The following RAB38 variants were observed in gnomAD, a reference collection of about 807,000 sequenced individuals.
RAB38 encodes the protein ras-related protein Rab-38.
A neutral mutation model predicts 18.4 loss-of-function variants in RAB38; 15 were observed. The ratio of observed to expected loss-of-function variants is 0.82; its 90% CI spans 0.55 to 1.26. The LOEUF (loss-of-function observed/expected upper bound fraction) is 1.26. Ranked by LOEUF, RAB38 falls within the 50% of genes most tolerant of loss-of-function variation. The probability of loss-of-function intolerance (pLI) is 0.00; values close to 1 mark genes in which losing one functional copy is unlikely to be tolerated. For synonymous variants in RAB38, 101 were observed against 104.4 expected (o/e 0.97, Z 0.20); for missense variants, 294 against 267.4 (o/e 1.10, Z -0.69).
At chr11:87,926,145 G>C in the RAB38 span, among the ~76,000 whole-genome samples, 1 of 151,486 alleles carries the variant, frequency 6.6e-6, no homozygotes, top group Admixed American at 6.6e-5. Context: ...AGAGAGGTCC[G>C]ACCAATGAAA....
At chr11:88,048,452 G>A in the RAB38 span, among the ~76,000 whole-genome samples, 1 of 152,054 alleles carries the variant, frequency 6.6e-6, no homozygotes, top group African/African-American at 2.4e-5. Flanking sequence ...ACAGACTAAT[G>A]GTCTTTTAAA....
chr11:87,949,344 C>G, the RAB38 span, among the ~76,000 whole-genome samples: 3 of 152,118 alleles, frequency 2.0e-5, no homozygotes, highest in South Asian at 2.1e-4. Context: ...AAACCAGATC[C>G]TGGATTCATT....
At chr11:87,805,897 T>A in the RAB38 span, among the ~76,000 whole-genome samples, 1 of 152,120 alleles carries the variant, frequency 6.6e-6, no homozygotes, top group Non-Finnish European at 1.5e-5. Flanking sequence ...TCAGTCTTTT[T>A]CTCTTAAAGC....
At chr11:87,879,207 G>A in the RAB38 span, among the ~76,000 whole-genome samples, 1 of 151,380 alleles carries the variant, frequency 6.6e-6, no homozygotes, top group Non-Finnish European at 1.5e-5. Flanking sequence ...GGCTTAAGTT[G>A]AGCATAAAAA....
chr11:87,935,651 T>C, the RAB38 span, among the ~76,000 whole-genome samples: 1 of 152,128 alleles, frequency 6.6e-6, no homozygotes, highest in Non-Finnish European at 1.5e-5. Flanking sequence ...TGAAAACTTA[T>C]AGTACAATAC....
chr11:87,910,867 C>T, the RAB38 span, among the ~76,000 whole-genome samples: 1 of 151,962 alleles, frequency 6.6e-6, no homozygotes, highest in Non-Finnish European at 1.5e-5. Flanking sequence ...GATCTCCTGA[C>T]CTTGTGATCC....
the RAB38 span, among the ~76,000 whole-genome samples, chr11:87,838,126 T>A: frequency 1.1e-3 from 161 of 151,948 alleles, 1 homozygote; most frequent in African/African-American, 3.3e-3. Context: ...TTTATTTTTT[T>A]TTTTTTGAGA....
chr11:87,804,495 G>A, the RAB38 span, among the ~76,000 whole-genome samples: 1 of 152,096 alleles, frequency 6.6e-6, no homozygotes, highest in South Asian at 2.1e-4. Flanking sequence ...CATAGGACAG[G>A]AAGATTTTAT....
chr11:87,876,708 A>T, the RAB38 span, among the ~76,000 whole-genome samples: 1 of 151,326 alleles, frequency 6.6e-6, no homozygotes, highest in Admixed American at 6.6e-5. Context: ...CTTAGAAGTC[A>T]CTCTGGATTA....
chr11:88,105,094 C>CT, the RAB38 span, among the ~76,000 whole-genome samples: 5 of 152,128 alleles, frequency 3.3e-5, no homozygotes, highest in Non-Finnish European at 5.9e-5. Context: ...GAAACACACT[C>CT]TGATTAAAGC....
At chr11:87,823,899 A>G in the RAB38 span, among the ~76,000 whole-genome samples, 2 of 152,222 alleles carry the variant, frequency 1.3e-5, no homozygotes, top group Non-Finnish European at 2.9e-5. Context: ...ATAATATCAT[A>G]GAAAGCTAGT....
At chr11:87,904,947 T>C in the RAB38 span, among the ~76,000 whole-genome samples, 1 of 151,806 alleles carries the variant, frequency 6.6e-6, no homozygotes, top group Non-Finnish European at 1.5e-5. Context: ...CCATTATTTC[T>C]TTACATATTT....
At chr11:88,124,952 C>T (rs1419499565) in intron 2 of RAB38, among the ~76,000 whole-genome samples, 1 of 152,192 alleles carries the variant, frequency 6.6e-6, no homozygotes, top group Non-Finnish European at 1.5e-5. Flanking sequence ...AGTTATGTGA[C>T]TGTCTTGTTA....
the RAB38 span, among the ~76,000 whole-genome samples, chr11:87,920,118 T>C: frequency 2.0e-5 from 3 of 151,938 alleles, no homozygotes; most frequent in African/African-American, 7.2e-5. Flanking sequence ...ATCTTTTCTA[T>C]TGTTTTTATA....
chr11:87,974,126 A>G, the RAB38 span, among the ~76,000 whole-genome samples: 1 of 152,026 alleles, frequency 6.6e-6, no homozygotes, highest in Non-Finnish European at 1.5e-5. Context: ...AATGAGACCC[A>G]TAATCAAGCA....
the RAB38 span, among the ~76,000 whole-genome samples, chr11:87,875,361 T>A: frequency 6.6e-6 from 1 of 151,422 alleles, no homozygotes; most frequent in African/African-American, 2.4e-5. Context: ...TAAAATAAAA[T>A]ATTGATATCC....
At chr11:87,939,487 A>C in the RAB38 span, among the ~76,000 whole-genome samples, 1 of 152,078 alleles carries the variant, frequency 6.6e-6, no homozygotes, top group Non-Finnish European at 1.5e-5. Context: ...ATATTTTTCA[A>C]CTTAAATGAC....
chr11:88,044,614 T>C, the RAB38 span, among the ~76,000 whole-genome samples: 1 of 152,196 alleles, frequency 6.6e-6, no homozygotes, highest in African/African-American at 2.4e-5. Flanking sequence ...TAGATAATTA[T>C]TGCCGTAAAA....
intron 1 of RAB38, among the ~76,000 whole-genome samples, chr11:88,172,525 C>G (rs761017749): frequency 2.3e-4 from 35 of 152,188 alleles, no homozygotes; most frequent in Non-Finnish European, 3.4e-4. Context: ...CAGGTCTTCT[C>G]TATCTCATTG....
Sources: allele counts gnomAD v4.1 joint callset (sites outside exome capture counted in the v4.1 genomes callset), GRCh38; gene constraint gnomAD v4.1.1; transcripts MANE v1.5; gene names NCBI Gene and HGNC (gene_info 2026-07-23, HGNC 2026-07-21).